Variants in ESPNL observed in about 807,000 individuals in gnomAD.
ESPNL encodes the protein espin-like protein.
A neutral mutation model predicts 46.8 loss-of-function variants in ESPNL; 49 were observed. The ratio of observed to expected loss-of-function variants is 1.05; its 90% CI spans 0.83 to 1.33. ESPNL has a LOEUF of 1.33. Among genes scored for constraint, ESPNL ranks in the 40% most tolerant of loss-of-function variants. The pLI, the probability that ESPNL is intolerant of heterozygous loss-of-function variation, is 0.00. For synonymous variants in ESPNL, 664 were observed against 662.1 expected (o/e 1.00, Z -0.04); for missense variants, 1,540 against 1,436.6 (o/e 1.07, Z -1.16).
chr2:238,130,100 C>A, intron 8 of ESPNL, 28 bp from the exon 9 acceptor site: 1 of 1,590,678 alleles, frequency 6.3e-7, no homozygotes, highest in East Asian at 2.2e-5. Flanking sequence ...TGGGCTCACC[C>A]TGCTCACCCT....
chr2:238,104,831 G>A lies in ESPNL; in HGVS notation c.661G>A (p.Val221Ile), dbSNP rs116142311. The A allele has an allele frequency of 0.011, 16,695 of 1,516,830 alleles. 93 individuals carry two copies. The highest frequency in any genetic ancestry group is 0.013 in the Non-Finnish European group (14,546 of 1,131,032). The allele number at this position is 1,516,830 out of a possible 1,614,324, so 94.0% of individuals were successfully genotyped here. The change falls in exon 3 of 9, where the codon GTC becomes ATC. Residue 221 changes from valine (V) to isoleucine (I), a missense_variant. Coordinates refer to ENST00000343063, the MANE Select transcript of ESPNL (RefSeq NM_194312.4). ...CGCCGCCCGTGGCCACTACTCCCTC[G>A]TCGTCTGGCTGGTAAGTGGGTGCCA... The part of the protein sequence containing the change: ...AAAARGHYSL[V>I]VWLVTFTDIG...
chr2:238,123,510 C>T (rs1022534609), intron 5 of ESPNL, among the ~76,000 whole-genome samples: 7 of 152,136 alleles, frequency 4.6e-5, no homozygotes, highest in Non-Finnish European at 8.8e-5. Flanking sequence ...ATCTCAGGTC[C>T]CCTTCCATCT....
At chr2:238,125,950 C>T (rs1242457625) in intron 6 of ESPNL, among the ~76,000 whole-genome samples, 1 of 151,388 alleles carries the variant, frequency 6.6e-6, no homozygotes, top group African/African-American at 2.4e-5. Context: ...CACATAGATA[C>T]GGGGACCCTT....
At chr2:238,125,711 G>A (rs1323775249) in intron 6 of ESPNL, among the ~76,000 whole-genome samples, 1 of 152,224 alleles carries the variant, frequency 6.6e-6, no homozygotes, top group Non-Finnish European at 1.5e-5. Flanking sequence ...TGGGCTAGCA[G>A]GGCAAGCAAC....
chr2:238,100,660 G>A lies in ESPNL; in HGVS notation c.241G>A (p.Gly81Ser). The A allele has an allele frequency of 6.9e-7, 1 of 1,447,720 alleles. No homozygotes were observed. 89.7% of individuals were successfully genotyped at this position (1,447,720 alleles called of 1,614,324 possible). Residue 81 changes from glycine (G) to serine (S), a missense_variant, in exon 1 of 9, where the codon GGC becomes AGC. Physicochemically the swap from Gly to Ser is moderately conservative, Grantham distance 56 (BLOSUM62 0). Coordinates refer to ENST00000343063, the MANE Select transcript of ESPNL (RefSeq NM_194312.4). The part of the protein sequence containing the change: ...ATPAHDAAAT[G>S]SLAELCWLVR... ...CCCAGCGCATGACGCCGCTGCCACG[G>A]GCAGCCTGGCCGAGCTGTGCTGGCT...
chr2:238,118,713 T>C (rs544333139), intron 5 of ESPNL, among the ~76,000 whole-genome samples: 2 of 96,076 alleles, frequency 2.1e-5, no homozygotes, highest in Non-Finnish European at 4.0e-5. Flanking sequence ...GAGGAATGGA[T>C]GGAGGAGGAA....
intron 4 of ESPNL, among the ~76,000 whole-genome samples, chr2:238,109,541 A>C (rs1691671817): frequency 6.6e-6 from 1 of 152,128 alleles, no homozygotes; most frequent in African/African-American, 2.4e-5. Context: ...TTTTGTAGAG[A>C]TGGGAGTCTC....
intron 3 of ESPNL, among the ~76,000 whole-genome samples, chr2:238,106,998 G>A (rs1691612629): frequency 6.6e-6 from 1 of 152,260 alleles, no homozygotes; most frequent in African/African-American, 2.4e-5. Flanking sequence ...CGGCTCTGCT[G>A]TTCTCGTGGC....
At chr2:238,117,428 C>T (rs961384353) in intron 5 of ESPNL, among the ~76,000 whole-genome samples, 9 of 152,152 alleles carry the variant, frequency 5.9e-5, no homozygotes, top group African/African-American at 1.9e-4. Context: ...GTCACAGAGA[C>T]CACATCTGTG....
In ESPNL at chr2:238,128,818, G is replaced by A. The variant is rs367647458; in HGVS notation, c.1327G>A (p.Gly443Ser). 109 of 1,551,898 alleles carry A rather than the reference G, an allele frequency of 7.0e-5. No individual in the cohort carries two copies. The highest frequency in any genetic ancestry group is 9.4e-5 in the Non-Finnish European group (108 of 1,148,410). ...DGLVPTRDER[G>S]QPIPEWKRQV... Reference sequence around the variant, plus strand: ...GCTGGTGCCCACGCGGGATGAGCGCGGCCAGCCCATCCCAGAGTGGAAGCG... The same window carrying A: ...GCTGGTGCCCACGCGGGATGAGCGCAGCCAGCCCATCCCAGAGTGGAAGCG... Residue 443 changes from glycine to serine, a missense_variant, in exon 8 of 9, where the codon GGC (glycine) becomes AGC (serine). Physicochemically the swap from Gly to Ser is moderately conservative, Grantham distance 56. Transcript: ENST00000343063.
chr2:238,102,215 C>T (rs1178790549), intron 2 of ESPNL, 84 bp downstream of exon 2: 7 of 1,243,512 alleles, frequency 5.6e-6, no homozygotes, highest in Non-Finnish European at 7.7e-6. Flanking sequence ...GCCAAGAGGA[C>T]AGGCTGGTGG....
chr2:238,120,507 G>A (rs976647845), intron 5 of ESPNL, among the ~76,000 whole-genome samples: 5 of 152,372 alleles, frequency 3.3e-5, no homozygotes, highest in South Asian at 4.1e-4. Flanking sequence ...CCCAGACCCC[G>A]TGGTAGTGGA....
chr2:238,108,103 C>CT, intron 4 of ESPNL, 130 bp downstream of exon 4: 1 of 860,808 alleles, frequency 1.2e-6, no homozygotes, highest in Non-Finnish European at 1.7e-6. Context: ...AACTGAGGCT[C>CT]TAAGTGGCAC....
rs111425600 is a variant in ESPNL, at chr2:238,131,822, G to A, written c.*90G>A. ...CCTTGCTCACACCCTTGGTGTTCAG[G>A]TGAGCCGGGCAAGGCTGCCTCCAGT... On this transcript the variant is annotated 3_prime_UTR_variant, in exon 9 of 9. Coordinates refer to ENST00000343063, the MANE Select transcript of ESPNL (RefSeq NM_194312.4). 9.1e-6 allele frequency: 13 copies of A among 1,432,942 alleles called. No individual in the cohort carries two copies. The highest frequency in any genetic ancestry group is 1.9e-4 in the Middle Eastern group (1 of 5,292). 88.8% of individuals were successfully genotyped at this position (1,432,942 alleles called of 1,614,324 possible). A position where few individuals can be genotyped will look rare whatever the true frequency, so the allele number is the denominator to read the frequency against.
In ESPNL at chr2:238,104,745, A is replaced by C. The variant is rs775396132; in HGVS notation, c.575A>C (p.Lys192Thr). ...GHLHLAQFLV[K>T]DCGADVHLRA... ...CTGCACCTGGCCCAGTTCCTGGTGA[A>C]GGACTGTGGCGCTGACGTGCACCTT... The change falls in exon 3 of 9, where the codon AAG becomes ACG. Residue 192 changes from lysine to threonine, a missense_variant. Coordinates refer to ENST00000343063, the MANE Select transcript of ESPNL (RefSeq NM_194312.4). 6.2e-7 allele frequency: 1 copy of C among 1,608,190 alleles called. No individual in the cohort carries two copies. The highest frequency in any genetic ancestry group is 1.1e-5 in the South Asian group (1 of 90,504).
At chr2:238,105,882 G>A (rs1258556394) in intron 3 of ESPNL, among the ~76,000 whole-genome samples, 1 of 152,030 alleles carries the variant, frequency 6.6e-6, no homozygotes, top group Non-Finnish European at 1.5e-5. Flanking sequence ...CTGTCTCCTG[G>A]CTCCCACCCA....
rs74998872 is a variant in ESPNL, at chr2:238,130,236, G to T, written c.1522G>T (p.Val508Phe). 6 of 1,611,242 alleles carry T rather than the reference G, an allele frequency of 3.7e-6. No homozygotes were observed. The highest frequency in any genetic ancestry group is 1.3e-5 in the African/African-American group (1 of 74,922). Reference sequence around the variant, plus strand: ...GGAGCTGCTGACAGAGGATGACCTGGTCTACCTGGAGAAGCAGATTGCAGA... The same window carrying T: ...GGAGCTGCTGACAGAGGATGACCTGTTCTACCTGGAGAAGCAGATTGCAGA... ...FGELLTEDDL[V>F]YLEKQIADLQ... Residue 508 changes from valine to phenylalanine, a missense_variant, in exon 9 of 9, where the codon GTC (valine) becomes TTC (phenylalanine). Coordinates refer to ENST00000343063, the MANE Select transcript of ESPNL (RefSeq NM_194312.4).
Position 238,117,001 on chromosome 2 carries a change from C to T in ESPNL, c.954C>T (p.Asp318=), listed in dbSNP as rs1691831637. ...ADLAEYHGHR[D]CAQYLREVAQ... ...TGGCGGAGTACCATGGACACCGGGA[C>T]TGCGCCCAGTACCTGCGGGAGGTGG... The change falls in exon 5 of 9, where the codon GAC becomes GAT. Residue 318 remains aspartate, a synonymous_variant. Transcript: ENST00000343063. 6.2e-7 allele frequency: 1 copy of T among 1,612,174 alleles called. No individual in the cohort carries two copies. Among genetic ancestry groups the T allele is most frequent in the Non-Finnish European group, 8.5e-7 (1 of 1,179,698 alleles).
At chr2:238,118,679 A>G (rs1306534129) in intron 5 of ESPNL, among the ~76,000 whole-genome samples, 60 of 76,522 alleles carry the variant, frequency 7.8e-4, no homozygotes, top group African/African-American at 2.7e-3. Context: ...ATGGAGGAGG[A>G]GAGATGGAGG....
Sources: allele counts gnomAD v4.1 joint callset (sites outside exome capture counted in the v4.1 genomes callset), GRCh38; gene constraint gnomAD v4.1.1; transcripts MANE v1.5; gene names NCBI Gene and HGNC (gene_info 2026-07-23, HGNC 2026-07-21).